Variants in SORCS1 observed in about 807,000 individuals in gnomAD.
SORCS1 encodes the protein VPS10 domain-containing receptor SorCS1.
Under a neutral mutation model 146.1 loss-of-function variants are expected in SORCS1, and 60 were observed. The ratio of observed to expected loss-of-function variants is 0.41; its 90% CI spans 0.33 to 0.51. SORCS1 has a LOEUF of 0.51. Among genes scored for constraint, SORCS1 ranks in the 20% least tolerant of loss-of-function variants. The pLI, the probability that SORCS1 is intolerant of heterozygous loss-of-function variation, is 0.21. For missense variants in SORCS1, 1,352 were observed against 1,487.6 expected (o/e 0.91, Z 1.50); for synonymous variants, 637 against 584.0 (o/e 1.09, Z -1.31).
At position 106,990,804 on chromosome 10, in the gene SORCS1, A is replaced by T. The variant is rs150375973; in HGVS notation, c.559-34224T>A. Among the ~76,000 whole-genome samples the T allele has an allele frequency of 5.5e-3, 831 of 152,320 alleles. 5 individuals are homozygous for T. The highest frequency in any genetic ancestry group is 0.034 in the Middle Eastern group (10 of 294). On this transcript the variant is annotated intron_variant, in intron 1 of 25. Coordinates refer to ENST00000263054, the MANE Select transcript of SORCS1 (RefSeq NM_052918.5). ...ATTGTGAGTACACTGTTAAAATTAA[A>T]CAGACAAAAACCACCAATTAAAATA...
intron 1 of SORCS1, among the ~76,000 whole-genome samples, chr10:107,083,001 G>A (rs189846934): frequency 1.5e-3 from 220 of 151,564 alleles, no homozygotes; most frequent in African/African-American, 4.9e-3. Context: ...CCCAGCTACT[G>A]GGGAGGCTGA....
chr10:107,124,283 C>T (rs926223826), intron 1 of SORCS1, among the ~76,000 whole-genome samples: 3 of 152,062 alleles, frequency 2.0e-5, no homozygotes, highest in Admixed American at 1.3e-4. Context: ...GTTCATGACT[C>T]GTTCCAAAAT....
At chr10:106,765,867 C>A (rs992717034) in intron 4 of SORCS1, among the ~76,000 whole-genome samples, 1 of 152,018 alleles carries the variant, frequency 6.6e-6, no homozygotes, top group South Asian at 2.1e-4. Flanking sequence ...ATCGGATCAA[C>A]GTATCCTCTC....
At chr10:106,873,644 T>C (rs1950497233) in intron 2 of SORCS1, among the ~76,000 whole-genome samples, 1 of 152,208 alleles carries the variant, frequency 6.6e-6, no homozygotes. Flanking sequence ...TCCTGCTTTT[T>C]AGATGCCTAT....
intron 8 of SORCS1, among the ~76,000 whole-genome samples, chr10:106,701,302 A>G (rs1260570787): frequency 6.6e-6 from 1 of 152,170 alleles, no homozygotes; most frequent in African/African-American, 2.4e-5. Flanking sequence ...TATTAAATCT[A>G]AACTTTTTCC....
intron 6 of SORCS1, among the ~76,000 whole-genome samples, chr10:106,721,019 T>TC (rs1855743953): frequency 6.6e-6 from 1 of 151,748 alleles, no homozygotes; most frequent in African/African-American, 2.4e-5. Context: ...ATATCACTAG[T>TC]CATTGAAATC....
chr10:106,800,194 C>A (rs1946793972), intron 3 of SORCS1, among the ~76,000 whole-genome samples: 1 of 152,046 alleles, frequency 6.6e-6, no homozygotes, highest in Non-Finnish European at 1.5e-5. Flanking sequence ...CTAGCTCTAA[C>A]CTCTCAAGCA....
At chr10:106,722,301 T>C (rs1855842712) in intron 6 of SORCS1, among the ~76,000 whole-genome samples, 1 of 152,170 alleles carries the variant, frequency 6.6e-6, no homozygotes, top group African/African-American at 2.4e-5. Context: ...CTGAGATCTC[T>C]ATTACCTCCC....
At chr10:106,929,386 G>A (rs1953267955) in intron 2 of SORCS1, among the ~76,000 whole-genome samples, 1 of 152,110 alleles carries the variant, frequency 6.6e-6, no homozygotes, top group African/African-American at 2.4e-5. Context: ...TGGGGTATCA[G>A]AATTAAAAAG....
the SORCS1 span, among the ~76,000 whole-genome samples, chr10:107,176,269 T>G: frequency 6.6e-6 from 1 of 151,670 alleles, no homozygotes; most frequent in Non-Finnish European, 1.5e-5. Flanking sequence ...TCCTTTTCTC[T>G]TTCTTTCTTC....
chr10:106,956,817 C>T (rs906621877), intron 1 of SORCS1, among the ~76,000 whole-genome samples: 1 of 152,246 alleles, frequency 6.6e-6, no homozygotes, highest in Admixed American at 6.5e-5. Flanking sequence ...GCAAGGGTTA[C>T]CTGCTCCTGC....
At chr10:106,890,696 T>G (rs1240973166) in intron 2 of SORCS1, among the ~76,000 whole-genome samples, 1 of 152,158 alleles carries the variant, frequency 6.6e-6, no homozygotes, top group Non-Finnish European at 1.5e-5. Context: ...AATTAACAAA[T>G]CCACTCGTGG....
intron 2 of SORCS1, among the ~76,000 whole-genome samples, chr10:106,894,530 A>C (rs963170285): frequency 6.6e-6 from 1 of 152,170 alleles, no homozygotes; most frequent in African/African-American, 2.4e-5. Flanking sequence ...AATAAACCCC[A>C]AGGCTGACAG....
intron 5 of SORCS1, among the ~76,000 whole-genome samples, chr10:106,754,668 AAGAATG>A (rs1412223834): frequency 6.6e-6 from 1 of 152,208 alleles, no homozygotes; most frequent in African/African-American, 2.4e-5. Context: ...AACTGTGGGG[AAGAATG>A]AGAATGTGTA....
intron 2 of SORCS1, among the ~76,000 whole-genome samples, chr10:106,833,193 T>C (rs569482574): frequency 4.7e-4 from 71 of 152,338 alleles, no homozygotes; most frequent in Non-Finnish European, 8.5e-4. Flanking sequence ...TCAAGGTATC[T>C]ATCATTATTT....
intron 1 of SORCS1, among the ~76,000 whole-genome samples, chr10:107,038,751 C>T (rs1959030094): frequency 6.6e-6 from 1 of 151,730 alleles, no homozygotes; most frequent in Non-Finnish European, 1.5e-5. Context: ...ATTTAATATT[C>T]AATATTATAC....
chr10:106,696,997 G>A (rs1240798814), intron 9 of SORCS1, among the ~76,000 whole-genome samples: 1 of 152,146 alleles, frequency 6.6e-6, no homozygotes, highest in Non-Finnish European at 1.5e-5. Context: ...GAAAACTGGG[G>A]ATTAAGCTTG....
At chr10:106,734,444 G>A (rs1189005101) in intron 5 of SORCS1, among the ~76,000 whole-genome samples, 1 of 152,112 alleles carries the variant, frequency 6.6e-6, no homozygotes, top group Non-Finnish European at 1.5e-5. Flanking sequence ...AAAAAATTAG[G>A]CCATGTTATA....
At chr10:106,744,200 G>A (rs1438305305) in intron 5 of SORCS1, among the ~76,000 whole-genome samples, 1 of 152,144 alleles carries the variant, frequency 6.6e-6, no homozygotes, top group Non-Finnish European at 1.5e-5. Context: ...CACCTCCTGG[G>A]TTCACGCCAT....
Sources: allele counts gnomAD v4.1 joint callset (sites outside exome capture counted in the v4.1 genomes callset), GRCh38; gene constraint gnomAD v4.1.1; transcripts MANE v1.5; gene names NCBI Gene and HGNC (gene_info 2026-07-23, HGNC 2026-07-21).